Variants in COLEC12 observed in about 807,000 individuals in gnomAD.
COLEC12 encodes the protein collectin subfamily member 12, also known as collectin-12.
Under a neutral mutation model 71.1 loss-of-function variants are expected in COLEC12, and 33 were observed. The ratio of observed to expected loss-of-function variants is 0.46; its 90% CI spans 0.35 to 0.62. The LOEUF (loss-of-function observed/expected upper bound fraction) is 0.62, where lower values mean the gene tolerates loss of function less well. COLEC12 is among the 20% of genes least tolerant of loss of function. COLEC12 has a pLI of 0.00. For missense variants in COLEC12, 765 were observed against 916.1 expected (o/e 0.84, Z 2.13); for synonymous variants, 350 against 353.0 (o/e 0.99, Z 0.10).
In COLEC12 at chr18:317,040, A is replaced by G. The variant is rs1913564423; in HGVS notation, c.*3005T>C. 6.6e-6 allele frequency: 1 copy of G among 152,234 alleles called. No homozygotes were observed. The highest frequency in any genetic ancestry group is 1.5e-5 in the Non-Finnish European group (1 of 68,104). 9.4% of individuals were successfully genotyped at this position (152,234 alleles called of 1,614,324 possible). A position where few individuals can be genotyped will look rare whatever the true frequency, so the allele number is the denominator to read the frequency against. On this transcript the variant is annotated 3_prime_UTR_variant, in exon 10 of 10. Coordinates refer to ENST00000400256, the MANE Select transcript of COLEC12 (RefSeq NM_130386.3). ...GGAGTTTGAGACCAGCCTGGCCAAA[A>G]TGGCGAAACCGTGTCTCTACTAAAA...
chr18:361,817 G>T (rs1051542510), intron 2 of COLEC12, among the ~76,000 whole-genome samples: 3 of 152,186 alleles, frequency 2.0e-5, no homozygotes, highest in African/African-American at 7.2e-5. Flanking sequence ...GAAGGACTGG[G>T]TGGCACTCCC....
intron 2 of COLEC12, among the ~76,000 whole-genome samples, chr18:411,960 G>A (rs1199696621): frequency 6.6e-6 from 1 of 152,158 alleles, no homozygotes; most frequent in Admixed American, 6.5e-5. Flanking sequence ...AGAGCCTCAG[G>A]GATTTGTGGA....
At chr18:330,015 C>G (rs1913936273) in intron 8 of COLEC12, among the ~76,000 whole-genome samples, 1 of 152,128 alleles carries the variant, frequency 6.6e-6, no homozygotes, top group African/African-American at 2.4e-5. Context: ...AGATAAGAGG[C>G]TGCAGTGAGC....
Position 378,675 on chromosome 18 carries a change from G to A in COLEC12, c.59-21153C>T, listed in dbSNP as rs183583275. ...TTACCCATAGCCTATTGTGCTCTCC[G>A]TGAGGTCTCCATCAGTGCCAAAGGG... On this transcript the variant is annotated intron_variant, in intron 2 of 9. Coordinates refer to ENST00000400256, the MANE Select transcript of COLEC12 (RefSeq NM_130386.3). Among the ~76,000 whole-genome samples the A allele has an allele frequency of 1.7e-3, 257 of 152,264 alleles. 3 individuals are homozygous for A. The highest frequency in any genetic ancestry group is 6.9e-4 in the Non-Finnish European group (47 of 68,018).
rs773777858 is a variant in COLEC12 at position 334,883 on chromosome 18, G to A, written c.1675C>T (p.Pro559Ser). 3.3e-6 allele frequency: 5 copies of A among 1,521,082 alleles called. No individual in the cohort carries two copies. The highest frequency in any genetic ancestry group is 4.4e-6 in the Non-Finnish European group (5 of 1,144,468). 94.2% of individuals were successfully genotyped at this position (1,521,082 alleles called of 1,614,324 possible). A position where few individuals can be genotyped will look rare whatever the true frequency, so the allele number is the denominator to read the frequency against. ...AAGCCTGGCAGTCCCCGAGGTCCAG[G>A]CACCCCAGGCTCCCCAACGGTGCCC... ...LQGTVGEPGV[P>S]GPRGLPGLPG... The change falls in exon 6 of 10, where the codon CCT becomes TCT. Residue 559 changes from proline to serine, a missense_variant. Pro to Ser is a moderately conservative substitution (Grantham distance 74, BLOSUM62 -1). Coordinates refer to ENST00000400256, the MANE Select transcript of COLEC12 (RefSeq NM_130386.3).
chr18:360,771 A>G (rs925708718), intron 2 of COLEC12, among the ~76,000 whole-genome samples: 2 of 152,220 alleles, frequency 1.3e-5, no homozygotes, highest in Admixed American at 6.5e-5. Context: ...TGGTTAACCA[A>G]TCCCTTGAAG....
chr18:361,684 G>T (rs1914747465), intron 2 of COLEC12, among the ~76,000 whole-genome samples: 1 of 152,110 alleles, frequency 6.6e-6, no homozygotes, highest in African/African-American at 2.4e-5. Flanking sequence ...TTTAGAGAAA[G>T]GAACATATAG....
In COLEC12 at chr18:319,752, C is replaced by A; in HGVS notation, c.*293G>T. The A allele has an allele frequency of 2.3e-6, 1 of 430,564 alleles. No individual in the cohort carries two copies. Among genetic ancestry groups the A allele is most frequent in the Non-Finnish European group, 4.1e-6 (1 of 243,474 alleles). 26.7% of individuals were successfully genotyped at this position (430,564 alleles called of 1,614,324 possible). ...ATAACCTTTTTCTGATTGGAGTGTT[C>A]CATACTTTGGAAGACATAATTTGTA... is the stretch of plus-strand genomic sequence containing the variant. On this transcript the variant is annotated 3_prime_UTR_variant, in exon 10 of 10. Coordinates refer to ENST00000400256, the MANE Select transcript of COLEC12 (RefSeq NM_130386.3).
At chr18:326,700 A>C (rs1913852387) in intron 8 of COLEC12, among the ~76,000 whole-genome samples, 1 of 152,142 alleles carries the variant, frequency 6.6e-6, no homozygotes, top group Admixed American at 6.6e-5. Context: ...TATGGCCCAG[A>C]ATATAGTTCA....
intron 1 of COLEC12, among the ~76,000 whole-genome samples, chr18:495,362 CGG>C (rs1320971465): frequency 6.6e-6 from 1 of 152,122 alleles, no homozygotes; most frequent in Admixed American, 6.5e-5. Context: ...GATCACTCAC[CGG>C]TGGTTACAGT....
intron 2 of COLEC12, among the ~76,000 whole-genome samples, chr18:439,345 T>C (rs547421648): frequency 7.9e-5 from 12 of 152,196 alleles, no homozygotes; most frequent in African/African-American, 2.7e-4. Context: ...GTCAGATGAA[T>C]GAATGAATAA....
intron 5 of COLEC12, among the ~76,000 whole-genome samples, chr18:343,540 G>A (rs59441724): frequency 0.013 from 2,042 of 151,964 alleles, 33 homozygotes; most frequent in African/African-American, 0.039. Flanking sequence ...GTGACCTTGT[G>A]AAAATATAAA....
intron 4 of COLEC12, 78 bp downstream of exon 4, chr18:347,987 T>A (rs1321093298): frequency 2.1e-6 from 2 of 942,650 alleles, no homozygotes; most frequent in African/African-American, 3.3e-5. Flanking sequence ...GGGGAGTTTA[T>A]AGCAACATCA....
chr18:493,580 T>C (rs1168919222), intron 1 of COLEC12, among the ~76,000 whole-genome samples: 3 of 152,258 alleles, frequency 2.0e-5, no homozygotes, highest in Admixed American at 2.0e-4. Context: ...TGTTTACGCA[T>C]AAGTCTTGTC....
chr18:487,233 ATT>A (rs888421379), intron 1 of COLEC12, among the ~76,000 whole-genome samples: 16 of 152,202 alleles, frequency 1.1e-4, no homozygotes, highest in East Asian at 3.8e-4. Flanking sequence ...ACACACACAC[ATT>A]GTGTGATTCA....
intron 2 of COLEC12, among the ~76,000 whole-genome samples, chr18:411,222 C>T (rs534777475): frequency 6.6e-6 from 1 of 152,340 alleles, no homozygotes; most frequent in South Asian, 2.1e-4. Flanking sequence ...CCGTCCCTTG[C>T]TGAAGTCCTG....
intron 2 of COLEC12, among the ~76,000 whole-genome samples, chr18:377,451 T>C (rs1487295904): frequency 1.3e-5 from 2 of 152,322 alleles, no homozygotes; most frequent in East Asian, 3.9e-4. Flanking sequence ...CGCTGGGATA[T>C]GCCAGTTACA....
intron 2 of COLEC12, among the ~76,000 whole-genome samples, chr18:411,623 G>A (rs186375044): frequency 3.4e-4 from 52 of 152,348 alleles, no homozygotes; most frequent in Middle Eastern, 3.4e-3. Flanking sequence ...GAACAGAGCA[G>A]GCTGAGCACA....
intron 2 of COLEC12, among the ~76,000 whole-genome samples, chr18:417,803 G>A (rs943471654): frequency 2.6e-5 from 4 of 152,200 alleles, no homozygotes; most frequent in African/African-American, 9.7e-5. Context: ...AACAGTATTA[G>A]TTCTCCCTGG....
Sources: allele counts gnomAD v4.1 joint callset (sites outside exome capture counted in the v4.1 genomes callset), GRCh38; gene constraint gnomAD v4.1.1; transcripts MANE v1.5; gene names NCBI Gene and HGNC (gene_info 2026-07-23, HGNC 2026-07-21).